TBL1XR1: variants seen among roughly 807,000 people sequenced by gnomAD.
TBL1XR1 encodes F-box-like/WD repeat-containing protein TBL1XR1.
TBL1XR1 carries 5 observed loss-of-function variants against 66.9 expected under a neutral mutation model. The observed-to-expected ratio is 0.07, with a 90% confidence interval of 0.04 to 0.16. TBL1XR1 has a LOEUF of 0.16. Among genes scored for constraint, TBL1XR1 ranks in the 10% least tolerant of loss-of-function variants. The pLI is 1.00. For missense variants in TBL1XR1, 238 were observed against 623.2 expected (o/e 0.38, Z 6.58); for synonymous variants, 210 against 206.0 (o/e 1.02, Z -0.17).
At chr3:177,115,434 T>G (rs1340792946) in intron 1 of TBL1XR1, among the ~76,000 whole-genome samples, 5 of 152,108 alleles carry the variant, frequency 3.3e-5, no homozygotes. Context: ...AAAACACTAG[T>G]CATTATCATA....
At chr3:177,188,338 C>G (rs187820578) in intron 1 of TBL1XR1, among the ~76,000 whole-genome samples, 2 of 152,174 alleles carry the variant, frequency 1.3e-5, no homozygotes, top group Non-Finnish European at 2.9e-5. Context: ...CACCTGAGGT[C>G]AGAGGTTCAA....
intron 1 of TBL1XR1, among the ~76,000 whole-genome samples, chr3:177,135,353 A>G (rs1457058322): frequency 2.3e-3 from 78 of 33,494 alleles, no homozygotes; most frequent in East Asian, 6.6e-3. Context: ...ATATATATAT[A>G]TATATATATA....
chr3:177,157,665 G>C (rs146351557), intron 1 of TBL1XR1, among the ~76,000 whole-genome samples: 2 of 152,036 alleles, frequency 1.3e-5, no homozygotes, highest in South Asian at 4.1e-4. Context: ...ATGTCTTAGA[G>C]GGATCTTTAT....
At chr3:177,147,520 A>G (rs1024336995) in intron 1 of TBL1XR1, among the ~76,000 whole-genome samples, 1 of 152,110 alleles carries the variant, frequency 6.6e-6, no homozygotes, top group Admixed American at 6.5e-5. Context: ...AATTAGTTTT[A>G]CTCTGAAAGG....
intron 1 of TBL1XR1, among the ~76,000 whole-genome samples, chr3:177,178,621 C>T (rs893916988): frequency 1.3e-5 from 2 of 152,012 alleles, no homozygotes; most frequent in Non-Finnish European, 2.9e-5. Context: ...CCCAGGCAGG[C>T]GGATCACCTG....
chr3:177,069,061 T>C (rs1719533863), intron 2 of TBL1XR1, among the ~76,000 whole-genome samples: 1 of 152,218 alleles, frequency 6.6e-6, no homozygotes, highest in Non-Finnish European at 1.5e-5. Flanking sequence ...GGATGGCCTA[T>C]ATGATTTTAG....
At chr3:177,131,907 A>T (rs80323063) in intron 1 of TBL1XR1, among the ~76,000 whole-genome samples, 159 of 4,200 alleles carry the variant, frequency 0.038, no homozygotes, top group East Asian at 0.31. Flanking sequence ...GTGGAAGTTT[A>T]AAAAAAAAAA....
chr3:177,148,982 C>T lies in TBL1XR1; in HGVS notation c.-122+48139G>A, dbSNP rs566753139. Among the ~76,000 whole-genome samples the T allele has an allele frequency of 2.1e-5, 3 of 142,106 alleles. No homozygotes were observed. In the East Asian group the frequency reaches 6.2e-4, roughly 29 times the overall value. 93.2% of individuals were successfully genotyped at this position (142,106 alleles called of 152,430 possible). ...TCACGCCATTGCACTCCAGCCTGGA[C>T]AAAGAAGAGCAAAACTCCCTCAAAA... On this transcript the variant is annotated intron_variant, in intron 1 of 15. Transcript: ENST00000457928.
At chr3:177,069,852 G>GGAAGGAAGGAAT (rs1719732796) in intron 2 of TBL1XR1, among the ~76,000 whole-genome samples, 1 of 146,416 alleles carries the variant, frequency 6.8e-6, no homozygotes, top group African/African-American at 2.5e-5. Flanking sequence ...AAGGAAGGAA[G>GGAAGGAAGGAAT]GAAAAACAAC....
intron 12 of TBL1XR1, among the ~76,000 whole-genome samples, chr3:177,036,943 A>G (rs961710128): frequency 8.5e-5 from 13 of 152,210 alleles, no homozygotes; most frequent in Admixed American, 7.2e-4. Flanking sequence ...TATTTTGGAA[A>G]TAAGTATTAC....
chr3:177,147,783 T>C (rs1577311057), intron 1 of TBL1XR1, among the ~76,000 whole-genome samples: 1 of 152,202 alleles, frequency 6.6e-6, no homozygotes, highest in African/African-American at 2.4e-5. Flanking sequence ...TGGCCATTCC[T>C]GATGTCCACA....
At chr3:177,171,026 A>G (rs956204544) in intron 1 of TBL1XR1, among the ~76,000 whole-genome samples, 16 of 152,030 alleles carry the variant, frequency 1.1e-4, no homozygotes, top group African/African-American at 3.9e-4. Context: ...CTATTATACA[A>G]TCACGTTCAA....
intron 1 of TBL1XR1, among the ~76,000 whole-genome samples, chr3:177,165,532 G>A (rs1218351431): frequency 6.6e-6 from 1 of 152,146 alleles, no homozygotes; most frequent in African/African-American, 2.4e-5. Context: ...AGAGAACAAA[G>A]TGAAAGGATT....
Position 177,069,797 on chromosome 3 carries a change from G to GA in TBL1XR1, c.-45-4776dup, listed in dbSNP as rs761990165. Among the ~76,000 whole-genome samples, 218 of 70,156 alleles carry GA rather than the reference G, an allele frequency of 3.1e-3. 3 individuals carry two copies. Among genetic ancestry groups the GA allele is most frequent in the Middle Eastern group, 5.9e-3 (1 of 170 alleles). The allele number at this position is 70,156 out of a possible 152,430, so 46.0% of individuals were successfully genotyped here. A position where few individuals can be genotyped will look rare whatever the true frequency, so the allele number is the denominator to read the frequency against. On this transcript the variant is annotated intron_variant, in intron 2 of 15. Coordinates refer to ENST00000457928, the MANE Select transcript of TBL1XR1 (RefSeq NM_024665.7). ...GGAAAGGAAGGAAAAGGAAGGAAAG[G>GA]AAGGAAGGAAGGAAGGAAGGAAGGA...
At chr3:177,097,366 G>A (rs1043448900) in intron 2 of TBL1XR1, among the ~76,000 whole-genome samples, 10 of 151,724 alleles carry the variant, frequency 6.6e-5, no homozygotes, top group African/African-American at 2.2e-4. Flanking sequence ...ATATTATTTC[G>A]GTAAGAAATT....
At chr3:177,128,505 C>G (rs1306292307) in intron 1 of TBL1XR1, among the ~76,000 whole-genome samples, 1 of 152,152 alleles carries the variant, frequency 6.6e-6, no homozygotes, top group South Asian at 2.1e-4. Flanking sequence ...CCCCAAGTAG[C>G]TAGGACAACA....
chr3:177,106,954 C>A (rs1196917691), intron 1 of TBL1XR1, among the ~76,000 whole-genome samples: 1 of 151,982 alleles, frequency 6.6e-6, no homozygotes, highest in Non-Finnish European at 1.5e-5. Context: ...TTTTTAATTA[C>A]AACAGATTTG....
At chr3:177,036,228 C>T (rs971926156) in intron 12 of TBL1XR1, among the ~76,000 whole-genome samples, 1 of 152,182 alleles carries the variant, frequency 6.6e-6, no homozygotes, top group African/African-American at 2.4e-5. Flanking sequence ...AGTGAACCAC[C>T]AGGCCTGGCC....
intron 14 of TBL1XR1, among the ~76,000 whole-genome samples, chr3:177,028,502 T>C (rs1440640815): frequency 1.3e-5 from 2 of 152,134 alleles, no homozygotes; most frequent in Non-Finnish European, 2.9e-5. Flanking sequence ...ATAAAAGGAA[T>C]GTATTTTTTA....
Sources: gnomAD v4.1 joint callset for allele counts (sites outside exome capture counted in the v4.1 genomes callset) on GRCh38, gnomAD v4.1.1 for gene constraint, MANE v1.5 for transcripts, NCBI Gene and HGNC (gene_info 2026-07-23, HGNC 2026-07-21) for gene names.